AXIN2: variants seen among roughly 807,000 people sequenced by gnomAD.
AXIN2 encodes axin 2, also known as axin-2.
Under a neutral mutation model 74.7 loss-of-function variants are expected in AXIN2, and 21 were observed. That is an observed-to-expected ratio of 0.28 (90% CI 0.20 to 0.40). The LOEUF is 0.40. Among genes scored for constraint, AXIN2 ranks in the 10% least tolerant of loss-of-function variants. The pLI is 1.00. For synonymous variants in AXIN2, 532 were observed against 454.9 expected, an observed-to-expected ratio of 1.17 and a Z score of -2.16; for missense variants, 1,144 against 1,111.1, an observed-to-expected ratio of 1.03 and a Z score of -0.42.
At chr17:65,535,297 G>A (rs888939127) in intron 9 of AXIN2, among the ~76,000 whole-genome samples, 1 of 152,182 alleles carries the variant, frequency 6.6e-6, no homozygotes, top group East Asian at 1.9e-4. Flanking sequence ...TTTCTGCTCA[G>A]GGGTGACAAA....
At chr17:65,536,848 G>C in intron 7 of AXIN2, 21 bp downstream of exon 7, 1 of 1,612,490 alleles carries the variant, frequency 6.2e-7, no homozygotes, top group East Asian at 2.2e-5. Context: ...CGCGGCCGCG[G>C]CGGCGGCAAG....
intron 8 of AXIN2, among the ~76,000 whole-genome samples, chr17:65,535,922 C>T (rs964028131): frequency 1.3e-5 from 2 of 152,192 alleles, no homozygotes; most frequent in African/African-American, 4.8e-5. Context: ...TCTAAGCCCC[C>T]CTGGGAGCCC....
intron 2 of AXIN2, among the ~76,000 whole-genome samples, chr17:65,551,026 G>C (rs1441110653): frequency 6.6e-6 from 1 of 152,228 alleles, no homozygotes; most frequent in Non-Finnish European, 1.5e-5. Context: ...GGCATGGATT[G>C]AGTCACGTGG....
chr17:65,554,696 C>T (rs762894682), intron 2 of AXIN2, among the ~76,000 whole-genome samples: 2 of 152,222 alleles, frequency 1.3e-5, no homozygotes, highest in Non-Finnish European at 2.9e-5. Context: ...AGCAGAGGGC[C>T]ATCTGCTGGG....
chr17:65,558,463 G>C lies in AXIN2; in HGVS notation c.158C>G (p.Ser53Cys), dbSNP rs760625400. The change falls in exon 2 of 11, where the codon TCC becomes TGC. Residue 53 changes from serine to cysteine, a missense_variant. Ser to Cys is a moderately radical substitution (Grantham distance 112). This residue lies in a region of AXIN2 where 1,053 missense variants were observed against 973.5 expected (regional missense o/e 1.08). Coordinates refer to ENST00000307078, the MANE Select transcript of AXIN2 (RefSeq NM_004655.4). Reference protein sequence around the residue: ...GQVTKPMPVSSNTRRNEDGLG... With the variant: ...GQVTKPMPVSCNTRRNEDGLG... ...CCCATCTTCGTTCCGCCTGGTGTTG[G>C]AAGAGACAGGCATGGGTTTGGTGAC... 6.2e-7 allele frequency: 1 copy of C among 1,603,670 alleles called. No homozygotes were observed. Among genetic ancestry groups the C allele is most frequent in the Non-Finnish European group, 8.5e-7 (1 of 1,173,318 alleles).
rs1242108165 is a variant in AXIN2, at chr17:65,536,955, C to G, written c.1821G>C (p.Gln607His). The G allele has an allele frequency of 6.2e-7, 1 of 1,613,352 alleles. No homozygotes were observed. Among genetic ancestry groups the G allele is most frequent in the African/African-American group, 1.3e-5 (1 of 74,920 alleles). ...GGAPGGAGALQLPREEGDRSQ... is the reference protein window; with the variant it reads ...GGAPGGAGALHLPREEGDRSQ... ...ACCTGTCTCCTTCCTCCCGGGGAAG[C>G]TGCAGGGCCCCAGCTCCGCCGGGGG... The change falls in exon 7 of 11, where the codon CAG (glutamine) becomes CAC (histidine). Residue 607 changes from glutamine to histidine, a missense_variant. Physicochemically the swap from Gln to His is conservative, Grantham distance 24. Coordinates refer to ENST00000307078, the MANE Select transcript of AXIN2 (RefSeq NM_004655.4).
At chr17:65,534,171 C>T (rs1249611699) in intron 9 of AXIN2, 92 bp from the exon 10 acceptor site, 2 of 1,474,066 alleles carry the variant, frequency 1.4e-6, no homozygotes, top group Admixed American at 3.4e-5. Context: ...GCATAAGTGA[C>T]AGGGTATCCA....
chr17:65,552,380 T>C lies in AXIN2; in HGVS notation c.816-2720A>G, dbSNP rs546758602. On this transcript the variant is annotated intron_variant, in intron 2 of 10. Transcript: ENST00000307078. ...CCCAAGTCTTTAAAACAGGCCAAAG[T>C]GCCCAGCCATCTGGGTGCGTAAGTA... Among the ~76,000 whole-genome samples, 4 of 152,354 alleles carry C rather than the reference T, an allele frequency of 2.6e-5. No homozygotes were observed. In the South Asian group the frequency reaches 8.3e-4, roughly 32 times the overall value.
intron 2 of AXIN2, among the ~76,000 whole-genome samples, chr17:65,550,421 G>C (rs1041840431): frequency 1.3e-5 from 2 of 152,144 alleles, no homozygotes; most frequent in African/African-American, 2.4e-5. Context: ...TGTTTCAATG[G>C]CCTCTGGCTC....
rs6504323 is a variant in AXIN2 at position 65,538,597 on chromosome 17, T to C, written c.1060-254A>G. On this transcript the variant is annotated intron_variant, in intron 4 of 10. Coordinates refer to ENST00000307078, the MANE Select transcript of AXIN2 (RefSeq NM_004655.4). ...CACTCCGAGAGGCCCTGCTTGTTCT[T>C]TCTGTAGTACAACCAGCCCATCAGT... Among the ~76,000 whole-genome samples the C allele has an allele frequency of 1, 97,838 of 97,838 alleles. 48,919 individuals are homozygous for C. The highest frequency in any genetic ancestry group is 1 in the Non-Finnish European group (45,530 of 45,530). 64.2% of individuals were successfully genotyped at this position (97,838 alleles called of 152,430 possible).
chr17:65,557,696 A>G (rs1056058896), intron 2 of AXIN2, 110 bp downstream of exon 2: 15 of 1,168,892 alleles, frequency 1.3e-5, no homozygotes, highest in African/African-American at 6.1e-5. Flanking sequence ...CAGCAGTCCT[A>G]ACTCAACAGA....
chr17:65,541,722 C>T (rs1166647668), intron 3 of AXIN2, among the ~76,000 whole-genome samples, 165 bp from the exon 4 acceptor site: 2 of 152,172 alleles, frequency 1.3e-5, no homozygotes, highest in African/African-American at 4.8e-5. Context: ...CAGGGAAGGA[C>T]CCACCCAAGG....
At chr17:65,542,017 C>T (rs1038753864) in intron 3 of AXIN2, among the ~76,000 whole-genome samples, 21 of 152,184 alleles carry the variant, frequency 1.4e-4, no homozygotes, top group African/African-American at 4.8e-4. Flanking sequence ...GGATAAGAAC[C>T]AAACCTACAG....
rs4239081 is a variant in AXIN2 at position 65,538,663 on chromosome 17, C to A, written c.1060-320G>T. Among the ~76,000 whole-genome samples the A allele has an allele frequency of 0.93, 61,122 of 65,890 alleles. 28,177 individuals carry two copies. Among genetic ancestry groups the A allele is most frequent in the Middle Eastern group, 0.97 (70 of 72 alleles). The allele number at this position is 65,890 out of a possible 152,430, so 43.2% of individuals were successfully genotyped here. ...GAAAATCTTCAAAGACTGTTGTCAACCATCAAAAAAAAAAAAAAAAAAAAA... is the reference window on the plus strand; with the variant it reads ...GAAAATCTTCAAAGACTGTTGTCAAACATCAAAAAAAAAAAAAAAAAAAAA... On this transcript the variant is annotated intron_variant, in intron 4 of 10. Transcript: ENST00000307078.
At chr17:65,561,115 G>C (rs1164402080) in intron 1 of AXIN2, 7 of 149,894 alleles carry the variant, frequency 4.7e-5, no homozygotes, top group Non-Finnish European at 1.0e-4. Flanking sequence ...TTCAACGCAG[G>C]TCCTGTTTCC....
rs374955858 is a variant in AXIN2, at chr17:65,557,964, C to T, written c.657G>A (p.Lys219=). Residue 219 remains lysine, a synonymous_variant, in exon 2 of 11, where the codon AAG becomes AAA. Transcript: ENST00000307078. The part of the protein sequence containing the change: ...YMSNGGLGSL[K]VVCGYLPTLN... ...AGGTGGGGAGATAGCCACACACGAC[C>T]TTTAGGCTCCCGAGTCCCCCATTAC... The T allele has an allele frequency of 5.0e-6, 8 of 1,614,214 alleles. No individual in the cohort carries two copies. The highest frequency in any genetic ancestry group is 6.8e-6 in the Non-Finnish European group (8 of 1,180,042).
At chr17:65,548,761 T>C (rs1040875019) in intron 3 of AXIN2, among the ~76,000 whole-genome samples, 7 of 152,176 alleles carry the variant, frequency 4.6e-5, no homozygotes, top group Admixed American at 1.3e-4. Context: ...TTGCCATGAC[T>C]TGACTTCAAA....
At chr17:65,536,136 A>AT (rs1354479711) in intron 8 of AXIN2, among the ~76,000 whole-genome samples, 184 bp downstream of exon 8, 8 of 152,248 alleles carry the variant, frequency 5.3e-5, no homozygotes, top group Non-Finnish European at 1.0e-4. Context: ...TAGAATGAAC[A>AT]TAACTGAAGG....
At chr17:65,537,186 G>A (rs571522349) in intron 6 of AXIN2, 123 bp from the exon 7 acceptor site, 6 of 1,533,904 alleles carry the variant, frequency 3.9e-6, no homozygotes, top group East Asian at 2.3e-5. Context: ...CCTGCTCCCC[G>A]CACCCTCACC....
Sources: allele counts gnomAD v4.1 joint callset (sites outside exome capture counted in the v4.1 genomes callset), GRCh38; gene constraint gnomAD v4.1.1; regional missense constraint gnomAD v4.1.1; transcripts MANE v1.5; gene names NCBI Gene and HGNC (gene_info 2026-07-23, HGNC 2026-07-21).